The following PDE11A variants were observed in gnomAD, a reference collection of about 807,000 sequenced individuals.
PDE11A encodes dual 3',5'-cyclic-AMP and -GMP phosphodiesterase 11A.
PDE11A carries 100 observed loss-of-function variants against 100.5 expected under a neutral mutation model. The observed-to-expected ratio is 1.00, with a 90% CI of 0.85 to 1.18. The LOEUF is 1.18. Ranked by LOEUF, PDE11A falls within the 50% of genes most tolerant of loss-of-function variation. The pLI is 0.00. For missense variants in PDE11A, 1,141 were observed against 1,152.6 expected (o/e 0.99, Z 0.15); for synonymous variants, 381 against 420.8 (o/e 0.91, Z 1.16).
intron 10 of PDE11A, among the ~76,000 whole-genome samples, chr2:177,737,736 A>G (rs2081813015): frequency 6.6e-6 from 1 of 152,218 alleles, no homozygotes; most frequent in Non-Finnish European, 1.5e-5. Flanking sequence ...AAACTTCCTG[A>G]GAGCCAAGGC....
chr2:177,822,640 G>A (rs2083158374), intron 6 of PDE11A, among the ~76,000 whole-genome samples: 1 of 151,816 alleles, frequency 6.6e-6, no homozygotes, highest in Non-Finnish European at 1.5e-5. Context: ...TACATTCCTG[G>A]GATTTTTATC....
chr2:177,919,021 T>A (rs2084995895), intron 2 of PDE11A, among the ~76,000 whole-genome samples: 2 of 151,840 alleles, frequency 1.3e-5, no homozygotes, highest in South Asian at 4.2e-4. Context: ...ATAAAAATAA[T>A]GCAAAAATCA....
chr2:177,770,136 G>T (rs1407955889), intron 9 of PDE11A, among the ~76,000 whole-genome samples: 1 of 152,172 alleles, frequency 6.6e-6, no homozygotes, highest in East Asian at 1.9e-4. Context: ...AGAGGATTGT[G>T]CTTCCCTGCC....
At chr2:177,861,843 G>T (rs1483547519) in intron 5 of PDE11A, among the ~76,000 whole-genome samples, 1 of 151,882 alleles carries the variant, frequency 6.6e-6, no homozygotes, top group Non-Finnish European at 1.5e-5. Context: ...AACAAATGGT[G>T]CTGGAATACT....
At chr2:178,062,861 C>T (rs1017071162) in intron 1 of PDE11A, among the ~76,000 whole-genome samples, 1 of 151,936 alleles carries the variant, frequency 6.6e-6, no homozygotes, top group African/African-American at 2.4e-5. Context: ...ATAAAGAAAG[C>T]CTATGTTTTA....
At chr2:177,756,589 G>C (rs1234551976) in intron 10 of PDE11A, among the ~76,000 whole-genome samples, 2 of 152,154 alleles carry the variant, frequency 1.3e-5, no homozygotes, top group African/African-American at 4.8e-5. Context: ...ACAAAGCTTG[G>C]TTTTCACAGA....
rs111501200 is a variant in PDE11A, at chr2:177,878,426, C to T, written c.1303-2503G>A. 7.5e-3 allele frequency among the ~76,000 whole-genome samples: 1,145 copies of T among 152,244 alleles called. 8 individuals carry two copies. Among genetic ancestry groups the T allele is most frequent in the Non-Finnish European group, 0.012 (797 of 68,010 alleles). ...TCCAAGGTTGTTGTAAAATGCAACACAGCTTCTGCCTTGCCTGATGAAATA... is the reference window on the plus strand; with the variant it reads ...TCCAAGGTTGTTGTAAAATGCAACATAGCTTCTGCCTTGCCTGATGAAATA... On this transcript the variant is annotated intron_variant, in intron 4 of 19. Transcript: ENST00000286063.
intron 5 of PDE11A, among the ~76,000 whole-genome samples, chr2:177,858,774 C>G (rs62183369): frequency 0.33 from 50,401 of 151,444 alleles, 9,987 homozygotes; most frequent in East Asian, 0.53. Flanking sequence ...ATAAAACATG[C>G]TGCTATAAAG....
intron 13 of PDE11A, 125 bp downstream of exon 13, chr2:177,711,644 G>A (rs182148068): frequency 1.5e-4 from 109 of 705,980 alleles, no homozygotes; most frequent in East Asian, 7.8e-4. Context: ...TGACATGCAC[G>A]CCCAAGCCTG....
Position 177,875,905 on chromosome 2 carries a change from A to T in PDE11A, c.1321T>A (p.Ser441Thr). 1 of 1,610,546 alleles carries T rather than the reference A, an allele frequency of 6.2e-7. No individual in the cohort carries two copies. Residue 441 changes from serine (S) to threonine (T), a missense_variant, in exon 5 of 20, where the codon TCC becomes ACC. Ser to Thr is a moderately conservative substitution (Grantham distance 58). Transcript: ENST00000286063. ...IESPVVKFTK[S>T]FELMSPKCSA... ...CACTTTGGGGACATCAATTCAAAGG[A>T]TTTGGTAAATTTCACCACCTGTCGC...
chr2:177,648,885 A>T (rs2080262906), intron 19 of PDE11A, among the ~76,000 whole-genome samples: 1 of 152,116 alleles, frequency 6.6e-6, no homozygotes, highest in African/African-American at 2.4e-5. Flanking sequence ...ATAAGGGTTT[A>T]TTTCTTTAAT....
At chr2:177,677,716 G>A (rs540831338) in intron 16 of PDE11A, among the ~76,000 whole-genome samples, 1 of 152,276 alleles carries the variant, frequency 6.6e-6, no homozygotes, top group South Asian at 2.1e-4. Flanking sequence ...TGCAAAGGAA[G>A]AACTGAAGAA....
intron 1 of PDE11A, among the ~76,000 whole-genome samples, chr2:178,017,314 G>C (rs748946766): frequency 6.6e-6 from 1 of 152,158 alleles, no homozygotes; most frequent in Non-Finnish European, 1.5e-5. Flanking sequence ...TTTGAATGTT[G>C]ATCAAGAGAA....
chr2:177,979,403 A>G (rs904729841), intron 2 of PDE11A, among the ~76,000 whole-genome samples: 1 of 150,598 alleles, frequency 6.6e-6, no homozygotes, highest in East Asian at 1.9e-4. Flanking sequence ...TGAGATAGCC[A>G]ACTCAAGGTT....
At chr2:177,957,954 G>C (rs912624437) in intron 2 of PDE11A, among the ~76,000 whole-genome samples, 1 of 124,048 alleles carries the variant, frequency 8.1e-6, no homozygotes, top group Non-Finnish European at 1.6e-5. Flanking sequence ...AGGCTGGAGT[G>C]CAGTGGCGCA....
chr2:177,728,106 C>T lies in PDE11A; in HGVS notation c.1855G>A (p.Asp619Asn), dbSNP rs376525903. ...GCAGCTGTGATCATGGCATCAACGT[C>T]GAGAGAAAAGTCATCAAAATGAATG... is the stretch of plus-strand genomic sequence containing the variant. ...DDIHFDDFSL[D>N]VDAMITAALR... Residue 619 changes from aspartate to asparagine, a missense_variant, in exon 11 of 20, where the codon GAC becomes AAC. Coordinates refer to ENST00000286063, the MANE Select transcript of PDE11A (RefSeq NM_016953.4). 44 of 1,612,410 alleles carry T rather than the reference C, an allele frequency of 2.7e-5. No homozygotes were observed. The highest frequency in any genetic ancestry group is 3.1e-5 in the Non-Finnish European group (37 of 1,178,838).
chr2:177,672,629 C>T (rs879525021), intron 17 of PDE11A, among the ~76,000 whole-genome samples: 8 of 152,176 alleles, frequency 5.3e-5, no homozygotes, highest in Non-Finnish European at 8.8e-5. Context: ...TTACAGTCTT[C>T]GGAGATGAGA....
intron 6 of PDE11A, among the ~76,000 whole-genome samples, chr2:177,828,573 G>T (rs2083262600): frequency 6.6e-6 from 1 of 152,176 alleles, no homozygotes; most frequent in Non-Finnish European, 1.5e-5. Context: ...AGGGTATCAG[G>T]CCTTACTGTC....
chr2:177,716,677 C>G (rs113503031), intron 12 of PDE11A, among the ~76,000 whole-genome samples: 12 of 152,180 alleles, frequency 7.9e-5, no homozygotes, highest in African/African-American at 2.9e-4. Flanking sequence ...ACCTATGATA[C>G]TCCAGAAATA....
Sources: gnomAD v4.1 joint callset for allele counts (sites outside exome capture counted in the v4.1 genomes callset) on GRCh38, gnomAD v4.1.1 for gene constraint, MANE v1.5 for transcripts, NCBI Gene and HGNC (gene_info 2026-07-23, HGNC 2026-07-21) for gene names.